LRP6: variants seen among roughly 807,000 people sequenced by gnomAD.
LRP6 encodes the protein LDL receptor related protein 6.
In LRP6, 43 loss-of-function variants were observed where a neutral mutation model predicts 184.1. The observed-to-expected ratio is 0.23, with a 90% CI of 0.18 to 0.30. The LOEUF (loss-of-function observed/expected upper bound fraction) is 0.30, where lower values mean the gene tolerates loss of function less well. Among genes scored for constraint, LRP6 ranks in the 10% least tolerant of loss-of-function variants. The pLI, the probability that LRP6 is intolerant of heterozygous loss-of-function variation, is 1.00. For synonymous variants in LRP6, 719 were observed against 684.9 expected (o/e 1.05, Z -0.78); for missense variants, 1,571 against 2,005.3 (o/e 0.78, Z 4.14).
At chr12:12,200,663 C>G (rs1489499307) in intron 3 of LRP6, among the ~76,000 whole-genome samples, 4 of 152,188 alleles carry the variant, frequency 2.6e-5, no homozygotes, top group African/African-American at 7.2e-5. Context: ...ACTCTGCTCT[C>G]TGGAACCCAT....
intron 13 of LRP6, among the ~76,000 whole-genome samples, 149 bp downstream of exon 13, chr12:12,150,683 AGAAG>A (rs1950069289): frequency 1.3e-5 from 2 of 152,242 alleles, no homozygotes; most frequent in Non-Finnish European, 2.9e-5. Flanking sequence ...AAATATCGTC[AGAAG>A]GAAAAAATAA....
At chr12:12,165,019 C>T (rs1862842054) in intron 8 of LRP6, 60 bp downstream of exon 8, 3 of 1,174,362 alleles carry the variant, frequency 2.6e-6, no homozygotes, top group South Asian at 2.4e-5. Context: ...ACACTGCTGA[C>T]TATCTCCATC....
intron 17 of LRP6, among the ~76,000 whole-genome samples, chr12:12,132,379 G>A (rs576619694): frequency 6.6e-6 from 1 of 152,108 alleles, no homozygotes; most frequent in Admixed American, 6.5e-5. Context: ...AATTACCAAA[G>A]ACTTTAAAGT....
chr12:12,206,534 CT>C (rs1419379807), intron 2 of LRP6, among the ~76,000 whole-genome samples: 1 of 103,178 alleles, frequency 9.7e-6, no homozygotes, highest in Non-Finnish European at 1.9e-5. Flanking sequence ...CAGAGCGAGA[CT>C]CCATCTCAAA....
intron 3 of LRP6, among the ~76,000 whole-genome samples, chr12:12,199,658 G>A (rs2137033894): frequency 6.6e-6 from 1 of 152,050 alleles, no homozygotes; most frequent in East Asian, 1.9e-4. Context: ...GAACTGTGAA[G>A]ATAATTCAGT....
intron 7 of LRP6, among the ~76,000 whole-genome samples, chr12:12,176,027 A>T (rs1591916126): frequency 5.5e-4 from 2 of 3,618 alleles, no homozygotes; most frequent in Admixed American, 9.7e-3. Flanking sequence ...ACCTGATCCT[A>T]AAAAAAAAAA....
chr12:12,129,087 T>C (rs1247678366), intron 19 of LRP6, among the ~76,000 whole-genome samples: 1 of 152,262 alleles, frequency 6.6e-6, no homozygotes, highest in Non-Finnish European at 1.5e-5. Context: ...AAGTGTTCTA[T>C]ATAACATGGG....
chr12:12,127,784 T>C (rs1658006615), intron 19 of LRP6, among the ~76,000 whole-genome samples: 1 of 152,198 alleles, frequency 6.6e-6, no homozygotes, highest in Non-Finnish European at 1.5e-5. Flanking sequence ...GCAGATCCTT[T>C]AAAAAACTTC....
At chr12:12,261,074 C>A (rs564074329) in intron 1 of LRP6, among the ~76,000 whole-genome samples, 4 of 152,062 alleles carry the variant, frequency 2.6e-5, no homozygotes, top group Non-Finnish European at 5.9e-5. Context: ...CACAGTAGTT[C>A]AGTACAGCAA....
At chr12:12,160,952 T>C (rs539713969) in intron 10 of LRP6, among the ~76,000 whole-genome samples, 18 of 152,370 alleles carry the variant, frequency 1.2e-4, no homozygotes, top group Middle Eastern at 3.4e-3. Flanking sequence ...TTGGTAGCAA[T>C]GTATGAACAT....
At chr12:12,210,429 T>C (rs1183313022) in intron 2 of LRP6, among the ~76,000 whole-genome samples, 1 of 152,204 alleles carries the variant, frequency 6.6e-6, no homozygotes, top group Non-Finnish European at 1.5e-5. Context: ...TCATTGTTTT[T>C]CCTTCTGTAT....
chr12:12,210,873 C>T (rs1404648482), intron 2 of LRP6: 1 of 152,108 alleles, frequency 6.6e-6, no homozygotes, highest in Non-Finnish European at 1.5e-5. Flanking sequence ...ATTCCTGACC[C>T]CATGTTCCTC....
At chr12:12,146,209 G>A (rs2136907442) in intron 15 of LRP6, among the ~76,000 whole-genome samples, 1 of 152,272 alleles carries the variant, frequency 6.6e-6, no homozygotes, top group Non-Finnish European at 1.5e-5. Context: ...CTCTAAGACA[G>A]CTATCTACAA....
At chr12:12,128,157 T>A (rs964712463) in intron 19 of LRP6, among the ~76,000 whole-genome samples, 1 of 152,222 alleles carries the variant, frequency 6.6e-6, no homozygotes, top group African/African-American at 2.4e-5. Context: ...GTCAAAGTTC[T>A]ACTATTTGCC....
At chr12:12,142,375 T>G (rs1054910451) in intron 15 of LRP6, among the ~76,000 whole-genome samples, 2 of 152,158 alleles carry the variant, frequency 1.3e-5, no homozygotes, top group African/African-American at 4.8e-5. Context: ...TCTACTTTGA[T>G]GCTGGTGAAA....
In LRP6 at chr12:12,165,225, G is replaced by C. The variant is rs1444671449; in HGVS notation, c.1616C>G (p.Thr539Ser). 6.2e-7 allele frequency: 1 copy of C among 1,614,078 alleles called. No homozygotes were observed. The highest frequency in any genetic ancestry group is 1.1e-5 in the South Asian group (1 of 91,084). The change falls in exon 8 of 23, where the codon ACT becomes AGT. Residue 539 changes from threonine to serine, a missense_variant. Physicochemically the swap from Thr to Ser is moderately conservative, Grantham distance 58. Around this residue, in one of 4 missense-constraint regions of LRP6, gnomAD observed 640 missense variants for 851.9 expected, o/e 0.75. Coordinates refer to ENST00000261349, the MANE Select transcript of LRP6 (RefSeq NM_002336.3). ...CCAGTAAACATAGTCACCCAACAAA[G>C]TAAATCCAAATATGTGAGGAATTTT... ...EDKIPHIFGF[T>S]LLGDYVYWTD...
At chr12:12,188,209 C>CAA (rs753891360) in intron 3 of LRP6, among the ~76,000 whole-genome samples, 6 of 65,350 alleles carry the variant, frequency 9.2e-5, no homozygotes, top group African/African-American at 3.3e-4. Context: ...AGACTCATCT[C>CAA]AAAAAAAAAA....
chr12:12,181,890 G>A (rs1018510871), intron 5 of LRP6, among the ~76,000 whole-genome samples: 9 of 152,150 alleles, frequency 5.9e-5, no homozygotes, highest in African/African-American at 1.9e-4. Context: ...TGATAACTGC[G>A]TAACTCTGTA....
chr12:12,148,775 GA>G (rs1462975766), intron 14 of LRP6, among the ~76,000 whole-genome samples, 166 bp downstream of exon 14: 1 of 152,170 alleles, frequency 6.6e-6, no homozygotes, highest in African/African-American at 2.4e-5. Context: ...TGAAATCAGA[GA>G]AAGTGTAAGA....
Sources: allele counts gnomAD v4.1 joint callset (sites outside exome capture counted in the v4.1 genomes callset), GRCh38; gene constraint gnomAD v4.1.1; regional missense constraint gnomAD v4.1.1; transcripts MANE v1.5; gene names NCBI Gene and HGNC (gene_info 2026-07-23, HGNC 2026-07-21).